Variants in LGSN observed in about 807,000 individuals in gnomAD.
LGSN encodes the protein lengsin, lens protein with glutamine synthetase domain.
LGSN carries 21 observed loss-of-function variants against 19.5 expected under a neutral mutation model. That is an observed-to-expected ratio of 1.07 (90% confidence interval 0.76 to 1.55). The LOEUF (loss-of-function observed/expected upper bound fraction) is 1.55, where lower values mean the gene tolerates loss of function less well. LGSN is among the 40% of genes most tolerant of loss of function. The pLI, the probability that LGSN is intolerant of heterozygous loss-of-function variation, is 0.00. For missense variants in LGSN, 673 were observed against 608.5 expected (o/e 1.11, Z -1.12); for synonymous variants, 257 against 215.6 (o/e 1.19, Z -1.68).
chr6:63,331,233 T>A, the LGSN span, among the ~76,000 whole-genome samples: 1 of 152,286 alleles, frequency 6.6e-6, no homozygotes, highest in South Asian at 2.1e-4. Flanking sequence ...AATTGCAAGC[T>A]TTGCATAGTT....
the LGSN span, among the ~76,000 whole-genome samples, chr6:63,454,979 G>T: frequency 6.6e-6 from 1 of 151,430 alleles, no homozygotes; most frequent in Non-Finnish European, 1.5e-5. Flanking sequence ...TTTTGGTAGA[G>T]ACAGGGTTTC....
chr6:63,424,215 G>C, the LGSN span, among the ~76,000 whole-genome samples: 1 of 151,938 alleles, frequency 6.6e-6, no homozygotes, highest in Non-Finnish European at 1.5e-5. Context: ...TTGAAATCTA[G>C]ATAAAATGAA....
chr6:63,476,196 A>G, the LGSN span, among the ~76,000 whole-genome samples: 13 of 152,184 alleles, frequency 8.5e-5, no homozygotes, highest in Non-Finnish European at 1.9e-4. Flanking sequence ...CCTTGGTGAG[A>G]TAGTGCTACC....
chr6:63,318,591 A>C (rs764785155), intron 1 of LGSN, among the ~76,000 whole-genome samples: 1 of 152,208 alleles, frequency 6.6e-6, no homozygotes, highest in East Asian at 1.9e-4. Flanking sequence ...CAAAAGACAG[A>C]GAATGTCTCT....
At chr6:63,519,184 G>A in the LGSN span, among the ~76,000 whole-genome samples, 66 of 152,160 alleles carry the variant, frequency 4.3e-4, no homozygotes, top group African/African-American at 1.5e-3. Flanking sequence ...GTGGGTGCCT[G>A]TAATCCCAGC....
At chr6:63,485,431 A>G in the LGSN span, among the ~76,000 whole-genome samples, 2 of 152,296 alleles carry the variant, frequency 1.3e-5, no homozygotes, top group East Asian at 3.9e-4. Context: ...TATCCAGTCT[A>G]TCTTCGATGG....
chr6:63,452,683 C>CTG, the LGSN span, among the ~76,000 whole-genome samples: 1 of 151,738 alleles, frequency 6.6e-6, no homozygotes, highest in South Asian at 2.1e-4. Flanking sequence ...CTCTGTCTCT[C>CTG]TCTTTTCTGT....
chr6:63,572,597 C>T, the LGSN span: 1 of 418,982 alleles, frequency 2.4e-6, no homozygotes, highest in South Asian at 1.1e-4. Context: ...ATCGCCGCCA[C>T]CGCCGCTCCG....
chr6:63,399,190 A>G, the LGSN span, among the ~76,000 whole-genome samples: 1 of 151,950 alleles, frequency 6.6e-6, no homozygotes, highest in African/African-American at 2.4e-5. Flanking sequence ...TTGTCTTACC[A>G]TTGCCTACAG....
intron 1 of LGSN, among the ~76,000 whole-genome samples, chr6:63,316,747 A>G (rs1768880695): frequency 6.6e-6 from 1 of 151,908 alleles, no homozygotes; most frequent in Non-Finnish European, 1.5e-5. Context: ...CATGTAGAAA[A>G]AATTTAAATA....
the LGSN span, among the ~76,000 whole-genome samples, chr6:63,520,836 C>T: frequency 0.017 from 2,629 of 152,072 alleles, 35 homozygotes; most frequent in Middle Eastern, 0.041. Context: ...ATTTATTAGA[C>T]CATGTGCTAT....
At chr6:63,556,418 T>C in the LGSN span, among the ~76,000 whole-genome samples, 1 of 152,118 alleles carries the variant, frequency 6.6e-6, no homozygotes, top group Non-Finnish European at 1.5e-5. Context: ...TGGGCTCAAG[T>C]GATCCTTCCA....
At chr6:63,478,646 C>T in the LGSN span, among the ~76,000 whole-genome samples, 1 of 152,172 alleles carries the variant, frequency 6.6e-6, no homozygotes, top group Admixed American at 6.5e-5. Flanking sequence ...CCATGTACGG[C>T]TCATTCTAAT....
chr6:63,393,845 C>A, the LGSN span, among the ~76,000 whole-genome samples: 1 of 152,168 alleles, frequency 6.6e-6, no homozygotes, highest in Admixed American at 6.5e-5. Flanking sequence ...GTATATACCC[C>A]AGACAATGTA....
At chr6:63,523,304 G>A in the LGSN span, among the ~76,000 whole-genome samples, 23 of 151,874 alleles carry the variant, frequency 1.5e-4, no homozygotes, top group Admixed American at 1.3e-3. Flanking sequence ...AAATGAAGGC[G>A]GGCAGATCAC....
At chr6:63,377,890 G>A in the LGSN span, among the ~76,000 whole-genome samples, 1 of 143,834 alleles carries the variant, frequency 7.0e-6, no homozygotes, top group African/African-American at 2.6e-5. Flanking sequence ...CTCCAGCCTG[G>A]GCGACAGAGA....
the LGSN span, among the ~76,000 whole-genome samples, chr6:63,491,507 C>A: frequency 6.6e-6 from 1 of 152,170 alleles, no homozygotes; most frequent in African/African-American, 2.4e-5. Context: ...GAAAAATAAA[C>A]TGGAGAACTG....
the LGSN span, among the ~76,000 whole-genome samples, chr6:63,481,349 A>ATTTTTTTTT: frequency 4.2e-4 from 62 of 148,002 alleles, 1 homozygote; most frequent in African/African-American, 1.5e-3. Flanking sequence ...CCCAAAAGCT[A>ATTTTTTTTT]TTTTTTTTTT....
the LGSN span, among the ~76,000 whole-genome samples, chr6:63,431,135 A>C: frequency 6.6e-6 from 1 of 152,212 alleles, no homozygotes; most frequent in East Asian, 1.9e-4. Context: ...TGAGTAAGGC[A>C]ACACCAGCAT....
Sources: allele counts gnomAD v4.1 joint callset (sites outside exome capture counted in the v4.1 genomes callset), GRCh38; gene constraint gnomAD v4.1.1; transcripts MANE v1.5; gene names NCBI Gene and HGNC (gene_info 2026-07-23, HGNC 2026-07-21).